The following TEX9 variants were observed in gnomAD, a reference collection of about 807,000 sequenced individuals.
TEX9 encodes testis-expressed protein 9.
A neutral mutation model predicts 59.6 loss-of-function variants in TEX9; 74 were observed. The observed-to-expected ratio is 1.24, with a 90% CI of 1.03 to 1.51. The LOEUF (loss-of-function observed/expected upper bound fraction) is 1.51, where lower values mean the gene tolerates loss of function less well. Among genes scored for constraint, TEX9 ranks in the 40% most tolerant of loss-of-function variants. The pLI is 0.00. For missense variants in TEX9, 522 were observed against 447.8 expected (o/e 1.17, Z -1.49); for synonymous variants, 186 against 152.2 (o/e 1.22, Z -1.64).
At chr15:56,278,032 C>T (rs2044718048) in intron 1 of TEX9, among the ~76,000 whole-genome samples, 1 of 151,776 alleles carries the variant, frequency 6.6e-6, no homozygotes, top group Non-Finnish European at 1.5e-5. Flanking sequence ...CGTTTTTGCT[C>T]ATCCTTAAAA....
intron 1 of TEX9, among the ~76,000 whole-genome samples, chr15:56,351,301 T>A (rs2046574139): frequency 6.6e-6 from 1 of 152,086 alleles, no homozygotes. Context: ...CCTGTCTCAA[T>A]GAGATAATGA....
chr15:56,434,359 T>C (rs375559106), intron 12 of TEX9: 30 of 1,613,188 alleles, frequency 1.9e-5, no homozygotes, highest in Admixed American at 5.0e-5. Flanking sequence ...TCTTGCTTCA[T>C]CTCTTTTTGC....
At chr15:56,247,354 G>C (rs192466599) in intron 1 of TEX9, among the ~76,000 whole-genome samples, 1 of 152,324 alleles carries the variant, frequency 6.6e-6, no homozygotes, top group Admixed American at 6.5e-5. Context: ...ATATCCACTA[G>C]TGTTGTGGAG....
chr15:56,250,896 A>G (rs2141294628), intron 1 of TEX9, among the ~76,000 whole-genome samples: 1 of 152,340 alleles, frequency 6.6e-6, no homozygotes, highest in South Asian at 2.1e-4. Flanking sequence ...CAAAATACGT[A>G]CCTTTACAGC....
intron 12 of TEX9, among the ~76,000 whole-genome samples, chr15:56,436,980 A>G (rs1239943574): frequency 2.6e-5 from 4 of 152,102 alleles, no homozygotes; most frequent in South Asian, 4.2e-4. Context: ...CAACCAAAAA[A>G]AGTCCAGGAC....
At chr15:56,285,220 AT>A (rs1390397184) in intron 1 of TEX9, among the ~76,000 whole-genome samples, 8 of 152,074 alleles carry the variant, frequency 5.3e-5, no homozygotes, top group African/African-American at 1.9e-4. Context: ...GTCTCTGAAC[AT>A]TTTTACTTTA....
chr15:56,439,013 A>G (rs1355543076), intron 12 of TEX9, among the ~76,000 whole-genome samples: 1 of 152,110 alleles, frequency 6.6e-6, no homozygotes, highest in Admixed American at 6.6e-5. Context: ...AGGAAGAAAC[A>G]GCCTGTAGCT....
rs754685702 is a variant in TEX9 at position 56,428,374 on chromosome 15, T to C, written c.1106T>C (p.Ile369Thr). Residue 369 changes from isoleucine (I) to threonine (T), a missense_variant, in exon 12 of 13, where the codon ATT (isoleucine) becomes ACT (threonine). By Grantham distance (89) the Ile-to-Thr change is moderately conservative. Transcript: ENST00000352903. ...TGATTTTTTTTTTAACAGATGCATA[T>C]TGAAGCTGCCAAGATGCTATCTTTC... 5 of 1,611,498 alleles carry C rather than the reference T, an allele frequency of 3.1e-6. No individual in the cohort carries two copies. Among genetic ancestry groups the C allele is most frequent in the African/African-American group, 1.3e-5 (1 of 74,954 alleles).
At chr15:56,452,704 G>C in the TEX9 span, among the ~76,000 whole-genome samples, 2 of 152,004 alleles carry the variant, frequency 1.3e-5, no homozygotes, top group South Asian at 4.2e-4. Flanking sequence ...ATTTTTAGTA[G>C]AGACGCGGTT....
chr15:56,269,778 C>G (rs2044480766), intron 1 of TEX9, among the ~76,000 whole-genome samples: 1 of 151,712 alleles, frequency 6.6e-6, no homozygotes, highest in Admixed American at 6.6e-5. Context: ...CTCAGCCTCT[C>G]AAGTAGCTGG....
intron 1 of TEX9, among the ~76,000 whole-genome samples, chr15:56,282,944 G>T (rs1170407292): frequency 2.4e-4 from 37 of 151,910 alleles, no homozygotes; most frequent in Non-Finnish European, 7.4e-5. Flanking sequence ...TGAAAAGTGA[G>T]GTAAAAAATA....
chr15:56,286,282 A>G (rs2044951411), intron 1 of TEX9, among the ~76,000 whole-genome samples: 1 of 152,180 alleles, frequency 6.6e-6, no homozygotes, highest in South Asian at 2.1e-4. Flanking sequence ...CTAGGCATAA[A>G]TGGCATGTTT....
intron 1 of TEX9, among the ~76,000 whole-genome samples, chr15:56,272,941 T>TGTTG (rs1213680641): frequency 1.4e-5 from 2 of 145,422 alleles, no homozygotes; most frequent in Non-Finnish European, 3.0e-5. Context: ...TTTATTTATT[T>TGTTG]TTTTTGTTGT....
intron 1 of TEX9, among the ~76,000 whole-genome samples, chr15:56,246,069 G>A (rs916345303): frequency 4.6e-5 from 7 of 152,136 alleles, no homozygotes; most frequent in Non-Finnish European, 8.8e-5. Context: ...AAAGGAAGCC[G>A]AGAACCAAGA....
At chr15:56,337,075 C>T (rs2046271249) in intron 1 of TEX9, among the ~76,000 whole-genome samples, 1 of 152,174 alleles carries the variant, frequency 6.6e-6, no homozygotes, top group South Asian at 2.1e-4. Context: ...CTGGAGATAA[C>T]TTACCCTGGA....
At chr15:56,249,187 T>G (rs1239802294) in intron 1 of TEX9, 1 of 152,160 alleles carries the variant, frequency 6.6e-6, no homozygotes, top group Non-Finnish European at 1.5e-5. Context: ...GCTCCTTATA[T>G]TTTCCCTCCC....
At position 56,293,722 on chromosome 15, in the gene TEX9, A is replaced by G. The variant is rs557069907; in HGVS notation, c.-107+49444A>G. 2.8e-4 allele frequency among the ~76,000 whole-genome samples: 43 copies of G among 152,308 alleles called. 1 individual carries two copies. The highest frequency in any genetic ancestry group is 6.8e-3 in the Middle Eastern group (2 of 294). The stretch of plus-strand genomic sequence containing the variant: ...GGCAGTATGTGATCAAGCCCTAGTA[A>G]AAACTCTGGTTACCAAAGGTTTGTG... On this transcript the variant is annotated intron_variant, in intron 1 of 5. Transcript: ENST00000560827.
At chr15:56,340,456 A>G (rs1567091758) in intron 1 of TEX9, among the ~76,000 whole-genome samples, 2 of 152,204 alleles carry the variant, frequency 1.3e-5, no homozygotes, top group African/African-American at 4.8e-5. Flanking sequence ...TTTTGAAGGA[A>G]CATAATTAGT....
chr15:56,391,108 G>A (rs1457879296), intron 6 of TEX9, 135 bp from the exon 7 acceptor site: 6 of 458,172 alleles, frequency 1.3e-5, no homozygotes, highest in Admixed American at 4.1e-5. Flanking sequence ...ATCAATTACA[G>A]ATTTCATCAT....
Sources: allele counts gnomAD v4.1 joint callset (sites outside exome capture counted in the v4.1 genomes callset), GRCh38; gene constraint gnomAD v4.1.1; transcripts MANE v1.5; gene names NCBI Gene and HGNC (gene_info 2026-07-23, HGNC 2026-07-21).